Variants in FBXO38 observed in about 807,000 individuals in gnomAD.
FBXO38 encodes F-box protein 38.
In FBXO38, 53 loss-of-function variants were observed where a neutral mutation model predicts 131.9. The observed-to-expected ratio is 0.40, with a 90% CI of 0.32 to 0.51. The LOEUF (loss-of-function observed/expected upper bound fraction) is 0.51, where lower values mean the gene tolerates loss of function less well. FBXO38 is among the 20% of genes least tolerant of loss of function. FBXO38 has a pLI of 0.53. For missense variants in FBXO38, 1,076 were observed against 1,475.6 expected (o/e 0.73, Z 4.44); for synonymous variants, 452 against 505.6 (o/e 0.89, Z 1.42).
intron 5 of FBXO38, 107 bp from the exon 6 acceptor site, chr5:148,404,578 A>G: frequency 1.1e-6 from 1 of 931,348 alleles, no homozygotes; most frequent in Non-Finnish European, 1.5e-6. Flanking sequence ...AAAATCCTTG[A>G]AGGTTAAGCT....
chr5:148,411,462 T>C (rs1752749020), intron 9 of FBXO38, among the ~76,000 whole-genome samples: 1 of 152,210 alleles, frequency 6.6e-6, no homozygotes, highest in Non-Finnish European at 1.5e-5. Context: ...TTGCAACAAG[T>C]CTTTCTTGAA....
intron 7 of FBXO38, 102 bp downstream of exon 7, chr5:148,406,496 C>G: frequency 7.5e-6 from 7 of 927,812 alleles, no homozygotes; most frequent in Non-Finnish European, 1.1e-5. Context: ...AAAGAAAATG[C>G]TCGTCAGTAA....
intron 15 of FBXO38, among the ~76,000 whole-genome samples, chr5:148,431,631 G>A (rs1754048625): frequency 6.6e-6 from 1 of 152,190 alleles, no homozygotes; most frequent in South Asian, 2.1e-4. Context: ...TACTGGGAGA[G>A]GGAACCAGGA....
In FBXO38 at chr5:148,417,097, A is replaced by G. The variant is rs200393663; in HGVS notation, c.1511A>G (p.Asn504Ser). The G allele has an allele frequency of 3.1e-6, 5 of 1,613,608 alleles. No homozygotes were observed. The highest frequency in any genetic ancestry group is 4.2e-6 in the Non-Finnish European group (5 of 1,179,568). ...AATGACGATAATAATGCCCAGAATAACAATGCCAACATCCACGACAACAAT... is the reference window on the plus strand; with the variant it reads ...AATGACGATAATAATGCCCAGAATAGCAATGCCAACATCCACGACAACAAT... ...SNNDDNNAQN[N>S]NANIHDNNHH... The change falls in exon 12 of 22, where the codon AAC becomes AGC. Residue 504 changes from asparagine to serine, a missense_variant. This residue lies in a region of FBXO38 where 212 missense variants were observed against 221.2 expected (regional missense o/e 0.96). Transcript: ENST00000340253.
chr5:148,436,119 G>A (rs1302714474), intron 17 of FBXO38, among the ~76,000 whole-genome samples: 1 of 152,116 alleles, frequency 6.6e-6, no homozygotes, highest in Non-Finnish European at 1.5e-5. Flanking sequence ...GACTCAAAGG[G>A]AGCACGTGCT....
intron 5 of FBXO38, 82 bp downstream of exon 5, chr5:148,402,595 A>C: frequency 1.4e-5 from 16 of 1,161,764 alleles, no homozygotes; most frequent in Non-Finnish European, 1.9e-5. Context: ...AATAATGAGA[A>C]TTTTAGAGAT....
At chr5:148,407,738 C>T (rs570874229) in intron 7 of FBXO38, among the ~76,000 whole-genome samples, 33 of 152,096 alleles carry the variant, frequency 2.2e-4, no homozygotes, top group African/African-American at 7.0e-4. Context: ...TCCTGGCTAA[C>T]GTGGTGAAAC....
Position 148,409,227 on chromosome 5 carries a change from CTCTTTG to C in FBXO38, c.962+12_962+17del, listed in dbSNP as rs1333789889. The C allele has an allele frequency of 6.5e-7, 1 of 1,538,976 alleles. No individual in the cohort carries two copies. The highest frequency in any genetic ancestry group is 1.4e-5 in the African/African-American group (1 of 73,292). ...TTACTGCTGCCCGTAGGTATGTTTC[CTCTTTG>C]TATTGTGTCTCTCACTTTAGAAGTA... On this transcript the variant is annotated intron_variant, in intron 8 of 21. Transcript: ENST00000340253.
chr5:148,435,599 G>A (rs1245274604), intron 17 of FBXO38, among the ~76,000 whole-genome samples: 7 of 152,122 alleles, frequency 4.6e-5, no homozygotes, highest in South Asian at 4.2e-4. Context: ...GTGAAACCCC[G>A]TCTCACTAAA....
At chr5:148,427,070 G>GC in intron 14 of FBXO38, 143 bp from the exon 15 acceptor site, 9 of 955,862 alleles carry the variant, frequency 9.4e-6, no homozygotes, top group Non-Finnish European at 1.4e-5. Context: ...TAGCAGCTCA[G>GC]TGATGTGATC....
At chr5:148,435,394 G>C (rs60625004) in intron 17 of FBXO38, among the ~76,000 whole-genome samples, 41,364 of 152,126 alleles carry the variant, frequency 0.27, 5,679 homozygotes, top group African/African-American at 0.3. Context: ...TGGCTAACTG[G>C]CGCAAGAGAC....
chr5:148,390,469 T>G (rs1758143336), intron 1 of FBXO38, among the ~76,000 whole-genome samples: 1 of 152,194 alleles, frequency 6.6e-6, no homozygotes, highest in South Asian at 2.1e-4. Context: ...TTCACCTGCC[T>G]GGTAAGAACT....
intron 10 of FBXO38, among the ~76,000 whole-genome samples, chr5:148,414,661 A>G (rs1388638667): frequency 6.6e-6 from 1 of 152,184 alleles, no homozygotes; most frequent in African/African-American, 2.4e-5. Flanking sequence ...ACAATAGCAC[A>G]TCATCTGAAA....
intron 11 of FBXO38, 52 bp from the exon 12 acceptor site, chr5:148,416,942 G>T: frequency 9.7e-7 from 1 of 1,034,464 alleles, no homozygotes; most frequent in Non-Finnish European, 1.5e-6. Flanking sequence ...AAAAATGAAG[G>T]GATATATACT....
chr5:148,428,803 G>A (rs916779665), intron 15 of FBXO38, among the ~76,000 whole-genome samples: 1 of 152,182 alleles, frequency 6.6e-6, no homozygotes, highest in Admixed American at 6.5e-5. Context: ...GCTTTCATGA[G>A]ATACATTTGA....
In FBXO38 at chr5:148,410,638, A is replaced by T; in HGVS notation, c.966A>T (p.Leu322Phe). The change falls in exon 9 of 22, where the codon TTA becomes TTT. Residue 322 changes from leucine to phenylalanine, a missense_variant. Leu to Phe is a conservative substitution (Grantham distance 22). This residue lies in a region of FBXO38 where 146 missense variants were observed against 274.3 expected (regional missense o/e 0.53). Coordinates refer to ENST00000340253, the MANE Select transcript of FBXO38 (RefSeq NM_205836.3). ...GYLIITAARRLHEVRIQPSLT... is the reference protein window; with the variant it reads ...GYLIITAARRFHEVRIQPSLT... ...TGTTCTCTGTCTTTATTCACAGGTT[A>T]CATGAAGTTCGGATCCAGCCTTCCC... 1.2e-6 allele frequency: 2 copies of T among 1,613,978 alleles called. No individual in the cohort carries two copies. Among genetic ancestry groups the T allele is most frequent in the Non-Finnish European group, 1.7e-6 (2 of 1,179,960 alleles).
chr5:148,388,363 C>T (rs1161337181), intron 1 of FBXO38, among the ~76,000 whole-genome samples: 3 of 152,210 alleles, frequency 2.0e-5, no homozygotes, highest in Admixed American at 2.0e-4. Context: ...TCACCAGCTG[C>T]ATTCTCTAAC....
intron 5 of FBXO38, among the ~76,000 whole-genome samples, chr5:148,402,811 A>C (rs1752231055): frequency 6.6e-6 from 1 of 152,198 alleles, no homozygotes; most frequent in Non-Finnish European, 1.5e-5. Flanking sequence ...CCTTTGGCTT[A>C]GGCCACTGAA....
Position 148,402,516 on chromosome 5 carries a change from G to A in FBXO38, c.592+3G>A, listed in dbSNP as rs751819675. 11 of 1,604,016 alleles carry A rather than the reference G, an allele frequency of 6.9e-6. No homozygotes were observed. In the South Asian group the frequency reaches 9.9e-5, roughly 15 times the overall value. On this transcript the variant is annotated splice_donor_region_variant and intron_variant, in intron 5 of 21. Coordinates refer to ENST00000340253, the MANE Select transcript of FBXO38 (RefSeq NM_205836.3). ...AATTCAAACTTTACATTTAGTTGGT[G>A]AGTACATGTTTCTTGGGTCACTTGT...
Sources: allele counts gnomAD v4.1 joint callset (sites outside exome capture counted in the v4.1 genomes callset), GRCh38; gene constraint gnomAD v4.1.1; regional missense constraint gnomAD v4.1.1; transcripts MANE v1.5; gene names NCBI Gene and HGNC (gene_info 2026-07-23, HGNC 2026-07-21).